The following ESR2 variants were observed in gnomAD, a reference collection of about 807,000 sequenced individuals.
ESR2 encodes estrogen receptor beta.
In ESR2, 36 loss-of-function variants were observed where a neutral mutation model predicts 49.6. The ratio of observed to expected loss-of-function variants is 0.73; its 90% CI spans 0.56 to 0.96. ESR2 has a LOEUF of 0.96. Among genes scored for constraint, ESR2 ranks in the 40% least tolerant of loss-of-function variants. The pLI is 0.00. For missense variants in ESR2, 714 were observed against 693.0 expected (o/e 1.03, Z -0.34); for synonymous variants, 320 against 266.1 (o/e 1.20, Z -1.97).
chr14:64,283,268 T>C (rs1380238793), intron 1 of ESR2, among the ~76,000 whole-genome samples, 193 bp from the exon 2 acceptor site: 1 of 152,214 alleles, frequency 6.6e-6, no homozygotes, highest in Non-Finnish European at 1.5e-5. Flanking sequence ...GCTTCATTCA[T>C]CTCTTCATTG....
chr14:64,326,991 G>A (rs947316357), intron 1 of ESR2, among the ~76,000 whole-genome samples: 2 of 152,174 alleles, frequency 1.3e-5, no homozygotes, highest in Non-Finnish European at 2.9e-5. Flanking sequence ...AGTTAAACAA[G>A]ATAACAAAAA....
In ESR2 at chr14:64,235,019, T is replaced by C; in HGVS notation, c.1357A>G (p.Met453Val). The C allele has an allele frequency of 6.2e-7, 1 of 1,614,202 alleles. No individual in the cohort carries two copies. ...AGCATCAGGAGGTTAGCCAGGCGCATGGATTGCTGCTGGGAGGAGATGCCG... is the reference window on the plus strand; with the variant it reads ...AGCATCAGGAGGTTAGCCAGGCGCACGGATTGCTGCTGGGAGGAGATGCCG... ...KSGISSQQQSMRLANLLMLLS... is the reference protein window; with the variant it reads ...KSGISSQQQSVRLANLLMLLS... The change falls in exon 8 of 9, where the codon ATG (methionine) becomes GTG (valine). Residue 453 changes from methionine (M) to valine (V), a missense_variant. Coordinates refer to ENST00000341099, the MANE Select transcript of ESR2 (RefSeq NM_001437.3).
At chr14:64,249,471 C>G (rs1326551325) in intron 7 of ESR2, 75 bp downstream of exon 7, 1 of 1,492,908 alleles carries the variant, frequency 6.7e-7, no homozygotes, top group African/African-American at 1.4e-5. Context: ...GTTCAACATT[C>G]TTCTTAATAT....
rs571500085 is a variant in ESR2 at position 64,233,046 on chromosome 14, C to G, written c.*91G>C. On this transcript the variant is annotated 3_prime_UTR_variant, in exon 9 of 9. Transcript: ENST00000341099. ...TGCCATCACCAAATGAGGGACCACA[C>G]AGCAGAAAGATGAAGCCCAGGCTCC... The G allele has an allele frequency of 5.1e-5, 78 of 1,524,180 alleles. No homozygotes were observed. The African/African-American group carries it at 1.0e-3, about 20-fold the overall frequency. 94.4% of individuals were successfully genotyped at this position (1,524,180 alleles called of 1,614,324 possible).
In ESR2 at chr14:64,319,282, T is replaced by C. The variant is rs572473092; in HGVS notation, c.-91+18616A>G. 2.2e-4 allele frequency among the ~76,000 whole-genome samples: 34 copies of C among 152,014 alleles called. 1 individual carries two copies. Among genetic ancestry groups the C allele is most frequent in the Admixed American group, 2.0e-3 (31 of 15,258 alleles). ...CACCTTCACAAAAACTAACTCAAAATACATCACAGACCTAAATGTAAAGTA... is the reference window on the plus strand; with the variant it reads ...CACCTTCACAAAAACTAACTCAAAACACATCACAGACCTAAATGTAAAGTA... On this transcript the variant is annotated intron_variant, in intron 1 of 8. Coordinates refer to the ESR2 transcript ENST00000358599.
intron 6 of ESR2, among the ~76,000 whole-genome samples, chr14:64,255,385 G>A (rs1202962324): frequency 6.6e-6 from 1 of 152,082 alleles, no homozygotes; most frequent in Non-Finnish European, 1.5e-5. Flanking sequence ...TTTTCAGCCT[G>A]CCTTGCGACA....
chr14:64,257,420 G>A, intron 5 of ESR2, 56 bp from the exon 6 acceptor site: 1 of 1,603,384 alleles, frequency 6.2e-7, no homozygotes, highest in Non-Finnish European at 8.5e-7. Flanking sequence ...AGCTCCCTGT[G>A]TGTGTAGAGA....
intron 7 of ESR2, among the ~76,000 whole-genome samples, chr14:64,242,770 G>C (rs2075763615): frequency 6.6e-6 from 1 of 152,178 alleles, no homozygotes; most frequent in Non-Finnish European, 1.5e-5. Context: ...TTTTCTGTAA[G>C]AGTATGTGTA....
chr14:64,305,626 G>T (rs902686899), intron 1 of ESR2, among the ~76,000 whole-genome samples: 1 of 151,760 alleles, frequency 6.6e-6, no homozygotes, highest in Non-Finnish European at 1.5e-5. Flanking sequence ...AGCCAAGATC[G>T]CACCACTGCA....
At chr14:64,336,014 TG>T (rs2077527258) in intron 1 of ESR2, 9 of 150,596 alleles carry the variant, frequency 6.0e-5, no homozygotes, top group Admixed American at 4.0e-4. Context: ...TGTGTGTGTG[TG>T]TGTGTGTGTA....
downstream of ESR2, chr14:64,226,887 C>T (rs575740643): frequency 1.3e-4 from 20 of 152,108 alleles, no homozygotes; most frequent in Non-Finnish European, 2.6e-4. Flanking sequence ...GACGGGGTTT[C>T]GCCATGTTGG....
intron 1 of ESR2, among the ~76,000 whole-genome samples, chr14:64,325,565 A>G (rs2140900280): frequency 6.6e-6 from 1 of 152,318 alleles, no homozygotes; most frequent in East Asian, 1.9e-4. Flanking sequence ...TTTTATTAAG[A>G]AAATTAGTTA....
intron 5 of ESR2, among the ~76,000 whole-genome samples, chr14:64,258,210 A>AAAAT (rs142382720): frequency 4.8e-4 from 73 of 150,736 alleles, no homozygotes; most frequent in South Asian, 3.6e-3. Flanking sequence ...CCCTGTCTCA[A>AAAAT]AAATAAATAA....
chr14:64,287,078 C>A (rs921748169), intron 1 of ESR2, among the ~76,000 whole-genome samples: 1 of 150,882 alleles, frequency 6.6e-6, no homozygotes, highest in Non-Finnish European at 1.5e-5. Flanking sequence ...ATAAAACTTA[C>A]CATCTTAGCC....
At chr14:64,276,303 G>A (rs570965274) in intron 3 of ESR2, among the ~76,000 whole-genome samples, 288 of 152,082 alleles carry the variant, frequency 1.9e-3, no homozygotes, top group Non-Finnish European at 3.4e-3. Flanking sequence ...ATATAAAAAC[G>A]GGCAAAATCT....
intron 7 of ESR2, among the ~76,000 whole-genome samples, chr14:64,238,738 A>G (rs1248484995): frequency 6.6e-6 from 1 of 150,690 alleles, no homozygotes; most frequent in South Asian, 2.1e-4. Context: ...TTTTGATGAA[A>G]CGGAAGAAGT....
chr14:64,254,272 G>A (rs1451748318), intron 6 of ESR2, among the ~76,000 whole-genome samples: 1 of 152,064 alleles, frequency 6.6e-6, no homozygotes, highest in Non-Finnish European at 1.5e-5. Context: ...CCTTCACTTT[G>A]CAAAAAAGAG....
chr14:64,278,077 A>G (rs889695563), intron 3 of ESR2, among the ~76,000 whole-genome samples: 2 of 152,244 alleles, frequency 1.3e-5, no homozygotes, highest in Non-Finnish European at 2.9e-5. Context: ...AAGATACAAA[A>G]TAGTCATCGT....
intron 7 of ESR2, among the ~76,000 whole-genome samples, chr14:64,247,526 T>C (rs1488600360): frequency 2.0e-5 from 3 of 152,220 alleles, no homozygotes; most frequent in South Asian, 2.1e-4. Context: ...TGATCTGATA[T>C]ATCCCTGTTG....
Sources: gnomAD v4.1 joint callset for allele counts (sites outside exome capture counted in the v4.1 genomes callset) on GRCh38, gnomAD v4.1.1 for gene constraint, MANE v1.5 for transcripts, NCBI Gene and HGNC (gene_info 2026-07-23, HGNC 2026-07-21) for gene names.